PCDH7: variants seen among roughly 807,000 people sequenced by gnomAD.
The protein encoded by PCDH7 is protocadherin-7.
In PCDH7, 17 loss-of-function variants were observed where a neutral mutation model predicts 58.9. The ratio of observed to expected loss-of-function variants is 0.29; its 90% CI spans 0.20 to 0.43. The LOEUF (loss-of-function observed/expected upper bound fraction) is 0.43, where lower values mean the gene tolerates loss of function less well. PCDH7 is among the 20% of genes least tolerant of loss of function. PCDH7 has a pLI of 1.00. For missense variants in PCDH7, 1,274 were observed against 1,441.0 expected, an observed-to-expected ratio of 0.88 and a Z score of 1.88; for synonymous variants, 664 against 616.4, an observed-to-expected ratio of 1.08 and a Z score of -1.14.
chr4:30,750,354 T>C (rs925866878), intron 1 of PCDH7, among the ~76,000 whole-genome samples: 14 of 152,166 alleles, frequency 9.2e-5, no homozygotes, highest in Non-Finnish European at 1.9e-4. Flanking sequence ...TCAAGGGACC[T>C]TGTGATTGCA....
At chr4:30,797,913 A>G (rs1340579196) in intron 1 of PCDH7, among the ~76,000 whole-genome samples, 1 of 152,344 alleles carries the variant, frequency 6.6e-6, no homozygotes, top group South Asian at 2.1e-4. Flanking sequence ...GAGGTAATAT[A>G]CACGTTTATA....
chr4:30,856,942 T>A (rs1428452504), intron 1 of PCDH7, among the ~76,000 whole-genome samples: 4 of 151,978 alleles, frequency 2.6e-5, no homozygotes, highest in Non-Finnish European at 4.4e-5. Flanking sequence ...CTTTTTTTTT[T>A]AATCTTCAAA....
chr4:31,054,251 C>A (rs1440132545), intron 3 of PCDH7, among the ~76,000 whole-genome samples: 1 of 152,312 alleles, frequency 6.6e-6, no homozygotes, highest in South Asian at 2.1e-4. Context: ...CTGGCTTAAG[C>A]CACCACGTCC....
intron 3 of PCDH7, among the ~76,000 whole-genome samples, chr4:31,130,809 T>C (rs1718890669): frequency 6.6e-6 from 1 of 152,170 alleles, no homozygotes; most frequent in African/African-American, 2.4e-5. Context: ...TGGGCTTTTC[T>C]TCTGTCTCCC....
rs796354089 is a variant in PCDH7 at position 30,960,112 on chromosome 4, G to GGGAAGGAAGGAAGGAAGGAAGGAA, written c.*7+9916_*7+9939dup. Among the ~76,000 whole-genome samples the GGGAAGGAAGGAAGGAAGGAAGGAA allele has an allele frequency of 9.7e-4, 64 of 65,782 alleles. 4 individuals carry two copies. The highest frequency in any genetic ancestry group is 1.5e-3 in the African/African-American group (15 of 9,960). The allele number at this position is 65,782 out of a possible 152,430, so 43.2% of individuals were successfully genotyped here. A position where few individuals can be genotyped will look rare whatever the true frequency, so the allele number is the denominator to read the frequency against. The stretch of plus-strand genomic sequence containing the variant: ...AAGGAAGGAAGGAAGAAAGGAAGGA[G>GGGAAGGAAGGAAGGAAGGAAGGAA]GGAAGGAAGGAAGGAAGGAAGGAAG... On this transcript the variant is annotated intron_variant, in intron 3 of 3. Transcript: ENST00000509759.
intron 1 of PCDH7, among the ~76,000 whole-genome samples, chr4:30,849,895 C>T (rs184141490): frequency 1.2e-4 from 19 of 152,164 alleles, no homozygotes; most frequent in South Asian, 8.3e-4. Context: ...TTTCTAGCTT[C>T]GGGTCAAAAT....
intron 1 of PCDH7, among the ~76,000 whole-genome samples, chr4:30,849,963 T>A (rs896759150): frequency 1.3e-5 from 2 of 152,132 alleles, no homozygotes; most frequent in Non-Finnish European, 2.9e-5. Context: ...TAACATTACT[T>A]TGCCTATAGC....
In PCDH7 at chr4:31,033,963, G is replaced by GCGC. The variant is rs149953879; in HGVS notation, c.*7+83750_*7+83752dup. On this transcript the variant is annotated intron_variant, in intron 3 of 3. Coordinates refer to the PCDH7 transcript ENST00000509759. Reference sequence around the variant, plus strand: ...ACAAAAATTACCCAGGTGTGGTGATGCGCCCCTGTAATCCCAGCTATTCAG... The same window carrying GCGC: ...ACAAAAATTACCCAGGTGTGGTGATGCGCCGCCCCTGTAATCCCAGCTATTCAG... 7.1e-3 allele frequency among the ~76,000 whole-genome samples: 1,080 copies of GCGC among 152,094 alleles called. 11 individuals carry two copies. Among genetic ancestry groups the GCGC allele is most frequent in the African/African-American group, 0.018 (738 of 41,486 alleles).
intron 1 of PCDH7, among the ~76,000 whole-genome samples, chr4:30,864,909 A>G (rs1734686876): frequency 6.6e-6 from 1 of 152,156 alleles, no homozygotes; most frequent in Admixed American, 6.6e-5. Context: ...CAAGAGCAAC[A>G]TCAATGACAA....
chr4:30,877,568 G>A (rs927968407), intron 1 of PCDH7, among the ~76,000 whole-genome samples: 1 of 152,188 alleles, frequency 6.6e-6, no homozygotes, highest in African/African-American at 2.4e-5. Flanking sequence ...CTATCCCTCT[G>A]TCTCCTTCCG....
intron 1 of PCDH7, among the ~76,000 whole-genome samples, chr4:30,823,929 C>G (rs1316099126): frequency 6.6e-6 from 1 of 152,044 alleles, no homozygotes; most frequent in Non-Finnish European, 1.5e-5. Flanking sequence ...AAGCAGTTTC[C>G]TTTTATTCCT....
intron 3 of PCDH7, among the ~76,000 whole-genome samples, chr4:30,961,469 G>A (rs564221840): frequency 3.5e-4 from 53 of 151,956 alleles, no homozygotes; most frequent in Non-Finnish European, 6.3e-4. Context: ...GGAGAGTGGC[G>A]TGAACCTGGG....
chr4:31,114,508 A>G (rs1309710041), intron 3 of PCDH7, among the ~76,000 whole-genome samples: 1 of 152,114 alleles, frequency 6.6e-6, no homozygotes, highest in Non-Finnish European at 1.5e-5. Flanking sequence ...ACTTTTGGTA[A>G]TACAAAATTG....
chr4:30,761,096 C>T (rs1313412366), intron 1 of PCDH7, among the ~76,000 whole-genome samples: 1 of 152,194 alleles, frequency 6.6e-6, no homozygotes, highest in East Asian at 1.9e-4. Context: ...TCTCATTAGG[C>T]ACTAAGTAGG....
chr4:31,082,376 C>T (rs1711609962), intron 3 of PCDH7, among the ~76,000 whole-genome samples: 1 of 151,852 alleles, frequency 6.6e-6, no homozygotes, highest in Admixed American at 6.6e-5. Context: ...GTTTTTTTCC[C>T]CAACATAAAA....
intron 3 of PCDH7, among the ~76,000 whole-genome samples, chr4:30,973,071 A>T (rs1749746886): frequency 6.6e-6 from 1 of 152,234 alleles, no homozygotes; most frequent in Non-Finnish European, 1.5e-5. Context: ...TACAGTCACA[A>T]ATTCCCAAAA....
chr4:31,096,948 CAG>C (rs1714082120), intron 3 of PCDH7, among the ~76,000 whole-genome samples: 1 of 151,172 alleles, frequency 6.6e-6, no homozygotes, highest in Non-Finnish European at 1.5e-5. Context: ...GATTTTCTGT[CAG>C]TGTGTGCATT....
At chr4:30,789,590 G>A (rs1723843388) in intron 1 of PCDH7, among the ~76,000 whole-genome samples, 1 of 152,150 alleles carries the variant, frequency 6.6e-6, no homozygotes, top group African/African-American at 2.4e-5. Context: ...CAAAATGAAA[G>A]CATGTATAGA....
intron 1 of PCDH7, among the ~76,000 whole-genome samples, chr4:30,849,595 A>G (rs1732448982): frequency 6.6e-6 from 1 of 152,168 alleles, no homozygotes; most frequent in Non-Finnish European, 1.5e-5. Context: ...AATGAGCTAT[A>G]TAATTTTGTA....
Sources: gnomAD v4.1 joint callset for allele counts (sites outside exome capture counted in the v4.1 genomes callset) on GRCh38, gnomAD v4.1.1 for gene constraint, MANE v1.5 for transcripts, NCBI Gene and HGNC (gene_info 2026-07-23, HGNC 2026-07-21) for gene names.